STAU1: variants seen among roughly 807,000 people sequenced by gnomAD.
STAU1 encodes staufen double-stranded RNA binding protein 1, also known as double-stranded RNA-binding protein Staufen homolog 1.
STAU1 carries 13 observed loss-of-function variants against 62.9 expected under a neutral mutation model. The observed-to-expected ratio is 0.21, with a 90% CI of 0.13 to 0.33. STAU1 has a LOEUF of 0.33. Among genes scored for constraint, STAU1 ranks in the 10% least tolerant of loss-of-function variants. STAU1 has a pLI of 1.00. For missense variants in STAU1, 571 were observed against 712.1 expected (o/e 0.80, Z 2.25); for synonymous variants, 269 against 265.1 (o/e 1.01, Z -0.14).
At chr20:49,199,481 G>A in the STAU1 span, among the ~76,000 whole-genome samples, 11 of 151,312 alleles carry the variant, frequency 7.3e-5, no homozygotes, top group African/African-American at 2.2e-4. Flanking sequence ...CGCCCACCTC[G>A]GCCTCCCAAA....
At chr20:49,198,088 G>A in the STAU1 span, among the ~76,000 whole-genome samples, 7 of 152,234 alleles carry the variant, frequency 4.6e-5, no homozygotes, top group African/African-American at 1.4e-4. Context: ...CAGACATTTT[G>A]CCACAGAAGT....
chr20:49,196,298 A>T, the STAU1 span, among the ~76,000 whole-genome samples: 126 of 151,274 alleles, frequency 8.3e-4, no homozygotes, highest in Non-Finnish European at 1.7e-3. Flanking sequence ...TAGCCGGGCA[A>T]GGTGGCGGGC....
At chr20:49,131,208 G>C (rs2092741086) in intron 6 of STAU1, among the ~76,000 whole-genome samples, 1 of 152,318 alleles carries the variant, frequency 6.6e-6, no homozygotes, top group Non-Finnish European at 1.5e-5. Context: ...GAAAGGCTGA[G>C]AATGTACTGC....
chr20:49,175,889 G>A (rs1179063232), intron 1 of STAU1, among the ~76,000 whole-genome samples: 2 of 146,738 alleles, frequency 1.4e-5, no homozygotes, highest in African/African-American at 5.1e-5. Context: ...CCGCCTCCAG[G>A]GTTCACGCCA....
chr20:49,115,810 G>A lies in STAU1; in HGVS notation c.1690C>T (p.Pro564Ser). ...GACATTGGTCCGTTTCCTGTTCTTG[G>A]CATCTCTGTACTTTGTTGGTCCAAC... ...SELDQQSTEM[P>S]RTGNGPMSVC... Residue 564 changes from proline to serine, a missense_variant, in exon 13 of 14, where the codon CCA becomes TCA. By Grantham distance (74) the Pro-to-Ser change is moderately conservative (BLOSUM62 -1). Coordinates refer to ENST00000371856, the MANE Select transcript of STAU1 (RefSeq NM_017453.4). 2 of 1,614,006 alleles carry A rather than the reference G, an allele frequency of 1.2e-6. No individual in the cohort carries two copies. Among genetic ancestry groups the A allele is most frequent in the Non-Finnish European group, 1.7e-6 (2 of 1,179,972 alleles).
intron 8 of STAU1, among the ~76,000 whole-genome samples, chr20:49,121,751 T>C (rs1210715951): frequency 6.6e-6 from 1 of 152,344 alleles, no homozygotes; most frequent in South Asian, 2.1e-4. Flanking sequence ...CCCATGTATA[T>C]ATCTATAACA....
intron 5 of STAU1, among the ~76,000 whole-genome samples, chr20:49,146,158 T>C (rs1352802297): frequency 6.6e-6 from 1 of 151,796 alleles, no homozygotes; most frequent in African/African-American, 2.4e-5. Context: ...CCTAGCTACT[T>C]GGGAGGCTGA....
At chr20:49,202,230 A>AAAGAAAGAAAGAAAGAAAGAAAG in the STAU1 span, among the ~76,000 whole-genome samples, 4 of 130,394 alleles carry the variant, frequency 3.1e-5, no homozygotes, top group South Asian at 4.8e-4. Flanking sequence ...AAAAAAAAAA[A>AAAGAAAGAAAGAAAGAAAGAAAG]AAAGAAAGAA....
intron 5 of STAU1, among the ~76,000 whole-genome samples, chr20:49,146,835 C>G (rs1205570520): frequency 2.6e-5 from 4 of 152,094 alleles, no homozygotes; most frequent in Non-Finnish European, 5.9e-5. Context: ...AGATATCTCA[C>G]TCTGGTACTC....
chr20:49,140,027 A>G (rs982033953), intron 5 of STAU1, among the ~76,000 whole-genome samples: 34 of 151,824 alleles, frequency 2.2e-4, no homozygotes, highest in Admixed American at 2.2e-3. Flanking sequence ...CTCTACTAAA[A>G]ATACAAAAAT....
chr20:49,189,177 T>C (rs1426776507), upstream of STAU1, among the ~76,000 whole-genome samples: 1 of 113,092 alleles, frequency 8.8e-6, no homozygotes, highest in Non-Finnish European at 1.7e-5. Context: ...CACTCCAGCC[T>C]TGGCGACAAA....
chr20:49,143,378 GC>G (rs2093052210), intron 5 of STAU1, among the ~76,000 whole-genome samples: 1 of 152,042 alleles, frequency 6.6e-6, no homozygotes, highest in Admixed American at 6.6e-5. Context: ...GATCACTTGA[GC>G]CCAGGAGTTC....
chr20:49,147,017 ATAAC>A (rs1481743403), intron 5 of STAU1, among the ~76,000 whole-genome samples: 1 of 152,158 alleles, frequency 6.6e-6, no homozygotes. Flanking sequence ...AAATAAACAA[ATAAC>A]CCATGCACTT....
chr20:49,129,280 A>AAT (rs1491390171), intron 6 of STAU1, among the ~76,000 whole-genome samples: 2 of 87,928 alleles, frequency 2.3e-5, no homozygotes, highest in African/African-American at 4.7e-5. Flanking sequence ...TTAAAAAAAA[A>AAT]TTTTTTTTTT....
intron 3 of STAU1, among the ~76,000 whole-genome samples, chr20:49,163,999 A>G (rs959873657): frequency 6.6e-6 from 1 of 152,096 alleles, no homozygotes; most frequent in Non-Finnish European, 1.5e-5. Context: ...TGGGAGGCCA[A>G]GGCAAGCTGA....
At position 49,121,120 on chromosome 20, in the gene STAU1, C is replaced by T. The variant is rs566988258; in HGVS notation, c.967-992G>A. ...ACCTATTAACATAAATAAAAAACATCAACCAGCCGGGCGTGGTGGCTCACG... is the reference window on the plus strand; with the variant it reads ...ACCTATTAACATAAATAAAAAACATTAACCAGCCGGGCGTGGTGGCTCACG... On this transcript the variant is annotated intron_variant, in intron 8 of 13. Coordinates refer to ENST00000371856, the MANE Select transcript of STAU1 (RefSeq NM_017453.4). 1.6e-4 allele frequency among the ~76,000 whole-genome samples: 25 copies of T among 151,700 alleles called. No individual in the cohort carries two copies. In the South Asian group the frequency reaches 5.3e-3, roughly 32 times the overall value.
intron 10 of STAU1, 82 bp from the exon 11 acceptor site, chr20:49,118,178 C>T: frequency 6.8e-7 from 1 of 1,464,600 alleles, no homozygotes; most frequent in Non-Finnish European, 9.5e-7. Context: ...CCCACGCTGG[C>T]CCTCCCCTTG....
the STAU1 span, among the ~76,000 whole-genome samples, chr20:49,200,244 A>G: frequency 4.2e-3 from 641 of 152,358 alleles, 6 homozygotes; most frequent in African/African-American, 0.014. Context: ...ATGTCCTTCA[A>G]CAGGTGACTG....
chr20:49,139,194 G>A (rs916238560), intron 5 of STAU1, among the ~76,000 whole-genome samples: 1 of 152,108 alleles, frequency 6.6e-6, no homozygotes, highest in Admixed American at 6.6e-5. Context: ...TCTTACATAT[G>A]ACATGAAAAC....
Sources: gnomAD v4.1 joint callset for allele counts (sites outside exome capture counted in the v4.1 genomes callset) on GRCh38, gnomAD v4.1.1 for gene constraint, MANE v1.5 for transcripts, NCBI Gene and HGNC (gene_info 2026-07-23, HGNC 2026-07-21) for gene names.